ADAMTS19: variants seen among roughly 807,000 people sequenced by gnomAD.
The protein encoded by ADAMTS19 is ADAM metallopeptidase with thrombospondin type 1 motif 19, also known as A disintegrin and metalloproteinase with thrombospondin motifs 19.
ADAMTS19 carries 93 observed loss-of-function variants against 153.3 expected under a neutral mutation model. The ratio of observed to expected loss-of-function variants is 0.61; its 90% confidence interval spans 0.51 to 0.72. ADAMTS19 has a LOEUF of 0.72. Ranked by LOEUF, ADAMTS19 falls within the 30% of genes least tolerant of loss-of-function variation. The pLI, the probability that ADAMTS19 is intolerant of heterozygous loss-of-function variation, is 0.00. For missense variants in ADAMTS19, 1,482 were observed against 1,552.1 expected (o/e 0.95, Z 0.76); for synonymous variants, 600 against 556.6 (o/e 1.08, Z -1.10).
At chr5:129,535,813 A>G (rs1248815842) in intron 6 of ADAMTS19, among the ~76,000 whole-genome samples, 1 of 152,232 alleles carries the variant, frequency 6.6e-6, no homozygotes, top group East Asian at 1.9e-4. Context: ...CAATGGGGAA[A>G]GGATTCCCTA....
chr5:129,699,966 A>T (rs1755754396), intron 19 of ADAMTS19, among the ~76,000 whole-genome samples: 1 of 152,188 alleles, frequency 6.6e-6, no homozygotes, highest in South Asian at 2.1e-4. Flanking sequence ...TTATTTCAGG[A>T]ATGTGCACAG....
At chr5:129,503,192 C>A (rs1351481796) in intron 2 of ADAMTS19, among the ~76,000 whole-genome samples, 1 of 152,074 alleles carries the variant, frequency 6.6e-6, no homozygotes, top group Non-Finnish European at 1.5e-5. Context: ...ATTCTCATAG[C>A]CTTATAGGCC....
chr5:129,559,610 G>T (rs1190081901), intron 7 of ADAMTS19, among the ~76,000 whole-genome samples: 1 of 152,136 alleles, frequency 6.6e-6, no homozygotes, highest in African/African-American at 2.4e-5. Context: ...AGTAAAACTG[G>T]CATTTGTACA....
chr5:129,670,943 T>C (rs1754275622), intron 16 of ADAMTS19, among the ~76,000 whole-genome samples: 1 of 152,150 alleles, frequency 6.6e-6, no homozygotes, highest in Non-Finnish European at 1.5e-5. Flanking sequence ...AAATTCTCCT[T>C]GTGCTTAGCC....
intron 3 of ADAMTS19, among the ~76,000 whole-genome samples, chr5:129,518,405 G>T (rs558037924): frequency 6.6e-6 from 1 of 152,000 alleles, no homozygotes; most frequent in Non-Finnish European, 1.5e-5. Context: ...AAATCCCTCA[G>T]TTTTTGTTTG....
intron 2 of ADAMTS19, among the ~76,000 whole-genome samples, chr5:129,473,053 A>G (rs1337633828): frequency 6.6e-6 from 1 of 151,840 alleles, no homozygotes; most frequent in Non-Finnish European, 1.5e-5. Flanking sequence ...AGGACCTTGA[A>G]AATGCATAAG....
rs143832210 is a variant in ADAMTS19, at chr5:129,520,500, AAG to A, written c.914-5779_914-5778del. Among the ~76,000 whole-genome samples, 527 of 152,324 alleles carry A rather than the reference AAG, an allele frequency of 3.5e-3. 3 individuals carry two copies. The highest frequency in any genetic ancestry group is 0.012 in the African/African-American group (518 of 41,578). ...AGACACAATCTTCTTTGTGAAACCTAAGAGAGTAAGATGACATTTCAATGATA... is the reference window on the plus strand; with the variant it reads ...AGACACAATCTTCTTTGTGAAACCTAAGAGTAAGATGACATTTCAATGATA... On this transcript the variant is annotated intron_variant, in intron 3 of 22. Coordinates refer to ENST00000274487, the MANE Select transcript of ADAMTS19 (RefSeq NM_133638.6).
intron 15 of ADAMTS19, among the ~76,000 whole-genome samples, chr5:129,661,637 C>T (rs1753817190): frequency 6.6e-6 from 1 of 152,102 alleles, no homozygotes; most frequent in Non-Finnish European, 1.5e-5. Context: ...ATTCAAGAAG[C>T]GTTTTCTTTT....
At chr5:129,524,291 A>AT (rs1157178673) in intron 3 of ADAMTS19, among the ~76,000 whole-genome samples, 1 of 152,140 alleles carries the variant, frequency 6.6e-6, no homozygotes, top group Admixed American at 6.5e-5. Context: ...CTTACACACT[A>AT]TACAAAAATT....
intron 21 of ADAMTS19, among the ~76,000 whole-genome samples, chr5:129,709,610 C>T (rs1039071846): frequency 6.6e-6 from 1 of 152,076 alleles, no homozygotes; most frequent in South Asian, 2.1e-4. Context: ...AGCATTATAA[C>T]CTTAAAGTGT....
chr5:129,641,856 C>T lies in ADAMTS19; in HGVS notation c.1771-3C>T. The T allele has an allele frequency of 6.4e-7, 1 of 1,570,078 alleles. No individual in the cohort carries two copies. ...TTATTAGTTATTGTGCCTTTGTTTT[C>T]AGCATGTTATTTGCACAGGATTATG... On this transcript the variant is annotated splice_region_variant and splice_polypyrimidine_tract_variant and intron_variant, in intron 10 of 22. Coordinates refer to ENST00000274487, the MANE Select transcript of ADAMTS19 (RefSeq NM_133638.6).
At chr5:129,548,380 A>T (rs1581070214) in intron 6 of ADAMTS19, among the ~76,000 whole-genome samples, 1 of 151,566 alleles carries the variant, frequency 6.6e-6, no homozygotes, top group East Asian at 1.9e-4. Context: ...ATGAACAGAC[A>T]CTTCTCAAAA....
chr5:129,714,440 A>AAGAAAAAAG, intron 21 of ADAMTS19, among the ~76,000 whole-genome samples: 1 of 149,214 alleles, frequency 6.7e-6, no homozygotes, highest in African/African-American at 2.5e-5. Flanking sequence ...AAAAAAAAAA[A>AAGAAAAAAG]AAAGAAAAAT....
At chr5:129,545,890 A>T (rs1415078767) in intron 6 of ADAMTS19, among the ~76,000 whole-genome samples, 6 of 150,004 alleles carry the variant, frequency 4.0e-5, no homozygotes, top group Non-Finnish European at 7.4e-5. Flanking sequence ...TACTGGGTAT[A>T]TACCCAAAGG....
At position 129,529,755 on chromosome 5, in the gene ADAMTS19, C is replaced by T. The variant is rs117107505; in HGVS notation, c.1328+1078C>T. On this transcript the variant is annotated intron_variant, in intron 6 of 22. Transcript: ENST00000274487. Reference sequence around the variant, plus strand: ...AGGCATGGAGAGGTGCCATGAAGTACGTGTGCTGACTGTACGTGAGAACTT... The same window carrying T: ...AGGCATGGAGAGGTGCCATGAAGTATGTGTGCTGACTGTACGTGAGAACTT... 4.2e-4 allele frequency among the ~76,000 whole-genome samples: 64 copies of T among 152,214 alleles called. No homozygotes were observed. In the East Asian group the frequency reaches 0.01, roughly 25 times the overall value.
chr5:129,549,680 T>C (rs957285255), intron 6 of ADAMTS19, among the ~76,000 whole-genome samples: 2 of 151,266 alleles, frequency 1.3e-5, no homozygotes, highest in African/African-American at 4.8e-5. Flanking sequence ...TTAACAATTG[T>C]ATATCAGAGC....
intron 10 of ADAMTS19, among the ~76,000 whole-genome samples, chr5:129,636,449 T>C (rs1056566299): frequency 3.3e-5 from 5 of 152,236 alleles, no homozygotes; most frequent in African/African-American, 1.2e-4. Context: ...ATTATATAGA[T>C]ATTAACAGTT....
chr5:129,465,797 C>T (rs147958670), intron 2 of ADAMTS19, among the ~76,000 whole-genome samples: 11 of 152,168 alleles, frequency 7.2e-5, no homozygotes, highest in Non-Finnish European at 1.3e-4. Context: ...TTTCTTCATT[C>T]AAGCAAAATC....
intron 19 of ADAMTS19, among the ~76,000 whole-genome samples, chr5:129,700,519 T>C (rs996468131): frequency 1.3e-4 from 20 of 152,178 alleles, no homozygotes; most frequent in African/African-American, 4.6e-4. Flanking sequence ...CCCCCATATC[T>C]CTCACTGTTA....
Sources: gnomAD v4.1 joint callset for allele counts (sites outside exome capture counted in the v4.1 genomes callset) on GRCh38, gnomAD v4.1.1 for gene constraint, MANE v1.5 for transcripts, NCBI Gene and HGNC (gene_info 2026-07-23, HGNC 2026-07-21) for gene names.